KDM4C: variants seen among roughly 807,000 people sequenced by gnomAD.
The protein encoded by KDM4C is lysine-specific demethylase 4C.
A neutral mutation model predicts 129.3 loss-of-function variants in KDM4C; 81 were observed. That is an observed-to-expected ratio of 0.63 (90% CI 0.52 to 0.75). The LOEUF (loss-of-function observed/expected upper bound fraction) is 0.75, where lower values mean the gene tolerates loss of function less well. Ranked by LOEUF, KDM4C falls within the 30% of genes least tolerant of loss-of-function variation. The pLI, the probability that KDM4C is intolerant of heterozygous loss-of-function variation, is 0.00. For missense variants in KDM4C, 1,457 were observed against 1,304.0 expected (o/e 1.12, Z -1.81); for synonymous variants, 573 against 456.1 (o/e 1.26, Z -3.26).
rs1236409452 is a variant in KDM4C, at chr9:7,103,814, G to A, written c.2554G>A (p.Asp852Asn). ...HAAGVLMEPD[D>N]WPYVVNITCF... ...TGCTGGGGTACTGATGGAGCCTGAT[G>A]ACTGGCCTTATGTGGTGAACATTAC... The change falls in exon 18 of 22, where the codon GAC (aspartate) becomes AAC (asparagine). Residue 852 changes from aspartate to asparagine, a missense_variant. Coordinates refer to ENST00000381309, the MANE Select transcript of KDM4C (RefSeq NM_015061.6). 1.2e-6 allele frequency: 2 copies of A among 1,614,038 alleles called. No homozygotes were observed. Among genetic ancestry groups the A allele is most frequent in the East Asian group, 2.2e-5 (1 of 44,860 alleles).
intron 13 of KDM4C, among the ~76,000 whole-genome samples, chr9:7,012,633 C>G (rs1330457088): frequency 1.3e-5 from 2 of 152,184 alleles, no homozygotes; most frequent in Non-Finnish European, 2.9e-5. Context: ...CATCAGCTGG[C>G]TGTGCGTGAT....
intron 1 of KDM4C, among the ~76,000 whole-genome samples, chr9:6,738,951 A>G (rs1325480130): frequency 2.0e-5 from 3 of 151,568 alleles, no homozygotes; most frequent in East Asian, 1.9e-4. Flanking sequence ...CTGGTCTCGA[A>G]ATCCTGGGCT....
At chr9:7,168,001 G>A (rs1263345665) in intron 20 of KDM4C, among the ~76,000 whole-genome samples, 2 of 151,976 alleles carry the variant, frequency 1.3e-5, no homozygotes, top group Non-Finnish European at 2.9e-5. Flanking sequence ...CGCCAACGTG[G>A]TGCAACCCCG....
intron 12 of KDM4C, among the ~76,000 whole-genome samples, chr9:7,003,760 T>C (rs1420948159): frequency 6.6e-6 from 1 of 152,212 alleles, no homozygotes; most frequent in Non-Finnish European, 1.5e-5. Context: ...TTTGTACTTT[T>C]GAACACAGCT....
chr9:6,913,888 A>G (rs967522154), intron 8 of KDM4C, among the ~76,000 whole-genome samples: 4 of 152,330 alleles, frequency 2.6e-5, no homozygotes, highest in South Asian at 2.1e-4. Flanking sequence ...GTTAATGTAG[A>G]TGGAAGGGAT....
At chr9:6,919,255 C>CTTTCTTTCTTTCTTTCTTTCTTTCTTTCT (rs1554643789) in intron 8 of KDM4C, among the ~76,000 whole-genome samples, 69 of 122,540 alleles carry the variant, frequency 5.6e-4, no homozygotes, top group South Asian at 8.7e-4. Context: ...TCTTTTCTTT[C>CTTTCTTTCTTTCTTTCTTTCTTTCTTTCT]TTTCTTTCTT....
chr9:6,992,475 G>A lies in KDM4C; in HGVS notation c.1786+1951G>A, dbSNP rs183636104. 1.2e-4 allele frequency among the ~76,000 whole-genome samples: 18 copies of A among 152,230 alleles called. No homozygotes were observed. In the East Asian group the frequency reaches 3.1e-3, roughly 26 times the overall value. On this transcript the variant is annotated intron_variant, in intron 12 of 21. Transcript: ENST00000381309. ...GTTAAGGACCCCTGGTGACCTCTGG[G>A]GATTTTTCAGAATTGATTAGAAAAA... is the stretch of plus-strand genomic sequence containing the variant.
intron 20 of KDM4C, among the ~76,000 whole-genome samples, chr9:7,167,404 T>C (rs966897664): frequency 5.3e-5 from 8 of 152,232 alleles, no homozygotes; most frequent in Admixed American, 2.0e-4. Context: ...TGCCTTTTTG[T>C]CTTTTCGATG....
At chr9:6,904,866 TGGG>T (rs1818030296) in intron 8 of KDM4C, among the ~76,000 whole-genome samples, 1 of 151,716 alleles carries the variant, frequency 6.6e-6, no homozygotes, top group Admixed American at 6.6e-5. Flanking sequence ...TTTGTGGCAA[TGGG>T]AAATTAAACT....
At chr9:7,009,495 TC>T (rs1313553008) in intron 12 of KDM4C, among the ~76,000 whole-genome samples, 1 of 152,156 alleles carries the variant, frequency 6.6e-6, no homozygotes, top group African/African-American at 2.4e-5. Flanking sequence ...GATGCTTTTT[TC>T]CCCCCATCAA....
chr9:7,107,798 G>A (rs1006218632), intron 18 of KDM4C, among the ~76,000 whole-genome samples: 14 of 152,134 alleles, frequency 9.2e-5, no homozygotes, highest in Admixed American at 2.0e-4. Context: ...GTGATTTTGT[G>A]TATTTTTCCT....
chr9:7,152,449 G>A (rs576462435), intron 19 of KDM4C, among the ~76,000 whole-genome samples: 4 of 152,298 alleles, frequency 2.6e-5, no homozygotes, highest in Non-Finnish European at 4.4e-5. Flanking sequence ...ATATGTCCAC[G>A]AAAGAAATAT....
chr9:6,795,153 A>T (rs747854257), intron 2 of KDM4C, among the ~76,000 whole-genome samples: 1 of 152,098 alleles, frequency 6.6e-6, no homozygotes, highest in Non-Finnish European at 1.5e-5. Flanking sequence ...ATCCCCAGCT[A>T]TGGAGGTCAG....
At chr9:7,082,408 G>C (rs1454604588) in intron 17 of KDM4C, among the ~76,000 whole-genome samples, 2 of 152,174 alleles carry the variant, frequency 1.3e-5, no homozygotes, top group African/African-American at 2.4e-5. Context: ...AGGCACTAGG[G>C]GTGAAGGCAC....
At chr9:6,816,284 C>T (rs898975239) in intron 4 of KDM4C, among the ~76,000 whole-genome samples, 1 of 152,138 alleles carries the variant, frequency 6.6e-6, no homozygotes, top group Admixed American at 6.5e-5. Flanking sequence ...GTGCATAGAA[C>T]ATAAACCTAG....
rs555121528 is a variant in KDM4C at position 6,857,946 on chromosome 9, T to TTTA, written c.629+8246_629+8247insTTA. Among the ~76,000 whole-genome samples the TTTA allele has an allele frequency of 5.8e-3, 815 of 140,152 alleles. 34 individuals carry two copies. The highest frequency in any genetic ancestry group is 0.055 in the Admixed American group (720 of 13,100). The allele number at this position is 140,152 out of a possible 152,430, so 91.9% of individuals were successfully genotyped here. On this transcript the variant is annotated intron_variant, in intron 5 of 21. Transcript: ENST00000381309. ...AGTTTTTTTTTTTTTTTTTTTTTTT[T>TTTA]AGAGATGGGGTTTTGCTATGTTGCC... is the stretch of plus-strand genomic sequence containing the variant.
chr9:6,910,389 C>A (rs1451510630), intron 8 of KDM4C, among the ~76,000 whole-genome samples: 1 of 151,930 alleles, frequency 6.6e-6, no homozygotes, highest in Non-Finnish European at 1.5e-5. Context: ...ATGTTATTAC[C>A]CCCATCTTAT....
At chr9:6,852,895 C>T (rs989731175) in intron 5 of KDM4C, among the ~76,000 whole-genome samples, 1 of 152,148 alleles carries the variant, frequency 6.6e-6, no homozygotes, top group Non-Finnish European at 1.5e-5. Context: ...CTACTTTAGA[C>T]ATTGTTTTGG....
At chr9:6,856,532 CTGTGTGCGTG>C (rs1291320257) in intron 5 of KDM4C, among the ~76,000 whole-genome samples, 1 of 127,602 alleles carries the variant, frequency 7.8e-6, no homozygotes, top group Non-Finnish European at 1.6e-5. Flanking sequence ...ATATCTCTCT[CTGTGTGCGTG>C]TGTGTGTGTG....
Sources: gnomAD v4.1 joint callset for allele counts (sites outside exome capture counted in the v4.1 genomes callset) on GRCh38, gnomAD v4.1.1 for gene constraint, MANE v1.5 for transcripts, NCBI Gene and HGNC (gene_info 2026-07-23, HGNC 2026-07-21) for gene names.